The following MYCBP2 variants were observed in gnomAD, a reference collection of about 807,000 sequenced individuals.
The protein encoded by MYCBP2 is E3 ubiquitin-protein ligase MYCBP2.
MYCBP2 carries 120 observed loss-of-function variants against 525.3 expected under a neutral mutation model. The ratio of observed to expected loss-of-function variants is 0.23; its 90% CI spans 0.20 to 0.27. The LOEUF (loss-of-function observed/expected upper bound fraction) is 0.27, where lower values mean the gene tolerates loss of function less well. Among genes scored for constraint, MYCBP2 ranks in the 10% least tolerant of loss-of-function variants. The probability of loss-of-function intolerance (pLI) is 1.00; values close to 1 mark genes in which losing one functional copy is unlikely to be tolerated. For synonymous variants in MYCBP2, 1,894 were observed against 1,955.8 expected, an observed-to-expected ratio of 0.97 and a Z score of 0.83; for missense variants, 4,149 against 5,657.1, an observed-to-expected ratio of 0.73 and a Z score of 8.55.
At chr13:77,187,953 C>A (rs1324753026) in intron 30 of MYCBP2, among the ~76,000 whole-genome samples, 3 of 151,908 alleles carry the variant, frequency 2.0e-5, no homozygotes, top group Non-Finnish European at 4.4e-5. Flanking sequence ...CGCCTGTAAT[C>A]CCAGCTACTC....
chr13:77,077,369 G>T lies in MYCBP2; in HGVS notation c.11503C>A (p.His3835Asn). The change falls in exon 67 of 83, where the codon CAC becomes AAC. Residue 3835 changes from histidine to asparagine, a missense_variant. Transcript: ENST00000544440. Reference sequence around the variant, plus strand: ...AGTTCACTTGTTACCCAGCCAATGTGCCTGGAATCCAGATCAACCTGGTTG... The same window carrying T: ...AGTTCACTTGTTACCCAGCCAATGTTCCTGGAATCCAGATCAACCTGGTTG... ...RIKQVDLDSR[H>N]IGWVTSELPG... 2.5e-6 allele frequency: 4 copies of T among 1,613,950 alleles called. No individual in the cohort carries two copies. The East Asian group carries it at 6.7e-5, about 27-fold the overall frequency.
chr13:77,303,626 G>A (rs904380005), intron 1 of MYCBP2, among the ~76,000 whole-genome samples: 1 of 151,880 alleles, frequency 6.6e-6, no homozygotes, highest in Non-Finnish European at 1.5e-5. Context: ...TAAACTATGG[G>A]TCAAAGAACT....
intron 80 of MYCBP2, among the ~76,000 whole-genome samples, chr13:77,054,587 CAG>C (rs751740533): frequency 4.5e-4 from 67 of 150,350 alleles, no homozygotes; most frequent in Non-Finnish European, 9.5e-4. Flanking sequence ...CAATAAAGAT[CAG>C]AGATTGGTAA....
At chr13:77,089,519 A>T (rs1039892963) in intron 60 of MYCBP2, among the ~76,000 whole-genome samples, 5 of 152,106 alleles carry the variant, frequency 3.3e-5, no homozygotes, top group Admixed American at 2.6e-4. Context: ...TCATTTTAGC[A>T]AGTGATCTCT....
chr13:77,072,841 T>C (rs1403207905), intron 68 of MYCBP2, among the ~76,000 whole-genome samples: 3 of 152,164 alleles, frequency 2.0e-5, no homozygotes, highest in African/African-American at 4.8e-5. Flanking sequence ...CTGAAACAGC[T>C]CTGTTATCTA....
chr13:77,273,415 G>A, intron 5 of MYCBP2, 57 bp downstream of exon 5: 1 of 1,452,406 alleles, frequency 6.9e-7, no homozygotes, highest in Non-Finnish European at 9.2e-7. Flanking sequence ...CAGAAATTGA[G>A]ACGAAACTGT....
chr13:77,119,177 T>C (rs1317327447), intron 55 of MYCBP2, among the ~76,000 whole-genome samples: 1 of 152,208 alleles, frequency 6.6e-6, no homozygotes, highest in Non-Finnish European at 1.5e-5. Context: ...GATTCTAACA[T>C]TTTTCCTTGT....
chr13:77,290,892 A>G (rs1304310460), intron 2 of MYCBP2, among the ~76,000 whole-genome samples: 1 of 152,220 alleles, frequency 6.6e-6, no homozygotes, highest in African/African-American at 2.4e-5. Context: ...AAGCAAAATA[A>G]ATTTTCAAAA....
At chr13:77,261,412 T>C (rs1023222398) in intron 11 of MYCBP2, 37 bp from the exon 12 acceptor site, 1 of 1,463,596 alleles carries the variant, frequency 6.8e-7, no homozygotes, top group Non-Finnish European at 9.4e-7. Flanking sequence ...TATGGTACTT[T>C]TTGGAATAGT....
rs779655933 is a variant in MYCBP2, at chr13:77,174,498, T to C, written c.5473-9A>G. The stretch of plus-strand genomic sequence containing the variant: ...GCATATTTAACATTTTCCTTCATTA[T>C]AAAGATGTAAAACATCTTTTATTCA... On this transcript the variant is annotated splice_polypyrimidine_tract_variant and intron_variant, in intron 36 of 82. Transcript: ENST00000544440. The C allele has an allele frequency of 3.7e-6, 6 of 1,610,278 alleles. No individual in the cohort carries two copies. The South Asian group carries it at 5.5e-5, about 15-fold the overall frequency.
chr13:77,217,653 G>A (rs1415386485), intron 21 of MYCBP2, among the ~76,000 whole-genome samples, 187 bp downstream of exon 21: 1 of 152,016 alleles, frequency 6.6e-6, no homozygotes, highest in Non-Finnish European at 1.5e-5. Context: ...AGCTAGAGAG[G>A]AAAATTACTT....
chr13:77,175,761 G>T (rs1034944943), intron 36 of MYCBP2, among the ~76,000 whole-genome samples: 6 of 152,058 alleles, frequency 3.9e-5, no homozygotes, highest in Non-Finnish European at 7.4e-5. Context: ...AGGAGTTCGA[G>T]ACCAGCCTGG....
At chr13:77,229,198 T>C (rs1266743762) in intron 18 of MYCBP2, among the ~76,000 whole-genome samples, 1 of 152,238 alleles carries the variant, frequency 6.6e-6, no homozygotes, top group African/African-American at 2.4e-5. Context: ...CTATCTATAA[T>C]ATAGCAACAA....
chr13:77,125,786 G>C (rs1230318071), intron 53 of MYCBP2, among the ~76,000 whole-genome samples: 1 of 152,052 alleles, frequency 6.6e-6, no homozygotes, highest in East Asian at 1.9e-4. Context: ...TCCTAACACA[G>C]CCGACTTGCT....
At chr13:77,176,713 T>A in intron 35 of MYCBP2, 85 bp from the exon 36 acceptor site, 3 of 1,084,650 alleles carry the variant, frequency 2.8e-6, no homozygotes, top group Non-Finnish European at 3.6e-6. Context: ...TTATTATTTT[T>A]AAAATTTATT....
At chr13:77,261,705 C>T (rs1011905085) in intron 11 of MYCBP2, among the ~76,000 whole-genome samples, 2 of 151,836 alleles carry the variant, frequency 1.3e-5, no homozygotes, top group African/African-American at 2.4e-5. Flanking sequence ...ATAAAGAAGT[C>T]TGAAATATTT....
intron 80 of MYCBP2, among the ~76,000 whole-genome samples, chr13:77,053,785 A>G (rs2037312846): frequency 6.6e-6 from 1 of 151,348 alleles, no homozygotes; most frequent in Admixed American, 6.6e-5. Context: ...CATCCTCTGT[A>G]TTTTCTTTTT....
intron 18 of MYCBP2, among the ~76,000 whole-genome samples, chr13:77,231,524 G>A (rs1442896114): frequency 2.6e-5 from 4 of 152,194 alleles, no homozygotes; most frequent in African/African-American, 7.2e-5. Flanking sequence ...GCAATTACAG[G>A]CATGTGCCAC....
chr13:77,082,877 C>G, intron 63 of MYCBP2, 155 bp downstream of exon 63: 1 of 603,754 alleles, frequency 1.7e-6, no homozygotes, highest in Non-Finnish European at 2.6e-6. Flanking sequence ...AAGGACCATT[C>G]TAAAAATTAT....
Sources: gnomAD v4.1 joint callset for allele counts (sites outside exome capture counted in the v4.1 genomes callset) on GRCh38, gnomAD v4.1.1 for gene constraint, MANE v1.5 for transcripts, NCBI Gene and HGNC (gene_info 2026-07-23, HGNC 2026-07-21) for gene names.